SMIM20: variants seen among roughly 807,000 people sequenced by gnomAD.
The protein encoded by SMIM20 is small integral membrane protein 20, also known as mitochondrial translation regulation assembly intermediate of cytochrome c oxidase protein of 7 kDa.
SMIM20 carries 3 observed loss-of-function variants against 8.7 expected under a neutral mutation model. The observed-to-expected ratio is 0.34, with a 90% CI of 0.16 to 0.89. The LOEUF (loss-of-function observed/expected upper bound fraction) is 0.89, where lower values mean the gene tolerates loss of function less well. Among genes scored for constraint, SMIM20 ranks in the 40% least tolerant of loss-of-function variants. SMIM20 has a pLI of 0.49. For missense variants in SMIM20, 85 were observed against 84.8 expected (o/e 1.00, Z -0.01); for synonymous variants, 44 against 33.6 (o/e 1.31, Z -1.07).
rs1439279368 is a variant in SMIM20 at position 25,929,359 on chromosome 4, TC to T, written c.*171del. 1.6e-6 allele frequency: 1 copy of T among 609,130 alleles called. No homozygotes were observed. The highest frequency in any genetic ancestry group is 1.9e-5 in the African/African-American group (1 of 52,856). The allele number at this position is 609,130 out of a possible 1,614,324, so 37.7% of individuals were successfully genotyped here. The stretch of plus-strand genomic sequence containing the variant: ...AAGACTGTGCACAAGGATTAATATT[TC>T]CCTTCTTAAGTATCAAAAGAACTCT... On this transcript the variant is annotated 3_prime_UTR_variant, in exon 3 of 3. Transcript: ENST00000506197.
intron 1 of SMIM20, among the ~76,000 whole-genome samples, chr4:25,917,196 A>G (rs935749668): frequency 1.3e-5 from 2 of 151,926 alleles, no homozygotes; most frequent in African/African-American, 4.8e-5. Flanking sequence ...AGGGGGCAAG[A>G]AAAGGCAATG....
chr4:25,923,030 G>A (rs1357493797), intron 1 of SMIM20, among the ~76,000 whole-genome samples: 1 of 152,206 alleles, frequency 6.6e-6, no homozygotes, highest in Non-Finnish European at 1.5e-5. Flanking sequence ...AACTTAGCAA[G>A]GCTTTCCTAA....
At chr4:25,921,566 C>T (rs901743400) in intron 1 of SMIM20, among the ~76,000 whole-genome samples, 4 of 152,144 alleles carry the variant, frequency 2.6e-5, no homozygotes, top group African/African-American at 9.7e-5. Context: ...ATTTGGGTAG[C>T]TTTTGAGGCT....
chr4:25,920,424 G>A (rs1272907343), intron 1 of SMIM20, among the ~76,000 whole-genome samples: 4 of 152,038 alleles, frequency 2.6e-5, no homozygotes, highest in Non-Finnish European at 5.9e-5. Context: ...AAAATAGAAA[G>A]ATGTCTATAG....
intron 2 of SMIM20, 116 bp from the exon 3 acceptor site, chr4:25,929,038 A>T: frequency 7.7e-7 from 1 of 1,297,990 alleles, no homozygotes. Context: ...CACCATCTCA[A>T]ACTACACTGT....
chr4:25,915,952 T>C (rs1719084557), intron 1 of SMIM20, among the ~76,000 whole-genome samples: 1 of 151,074 alleles, frequency 6.6e-6, no homozygotes, highest in Non-Finnish European at 1.5e-5. Flanking sequence ...CAGACCCCCA[T>C]GACAAAGAAT....
chr4:25,928,460 GA>G, intron 2 of SMIM20, 91 bp downstream of exon 2: 1 of 1,268,238 alleles, frequency 7.9e-7, no homozygotes, highest in East Asian at 2.8e-5. Context: ...TGGAGAGTGG[GA>G]AAATGCCTTT....
Position 25,914,373 on chromosome 4 carries a change from C to T in SMIM20, c.60C>T (p.Ala20=). 6.5e-7 allele frequency: 1 copy of T among 1,547,378 alleles called. No individual in the cohort carries two copies. Among genetic ancestry groups the T allele is most frequent in the Non-Finnish European group, 8.7e-7 (1 of 1,144,380 alleles). ...GCGGCTTCATCTCCCTGATCGGCGC[C>T]GCCTTCTATCCCATCTACTTCCGGC... ...IFGGFISLIG[A]AFYPIYFRPL... Residue 20 remains alanine (A), a synonymous_variant, in exon 1 of 3, where the codon GCC becomes GCT. Coordinates refer to ENST00000506197, the MANE Select transcript of SMIM20 (RefSeq NM_001145432.3).
chr4:25,919,676 T>G, intron 1 of SMIM20, among the ~76,000 whole-genome samples: 1 of 152,308 alleles, frequency 6.6e-6, no homozygotes, highest in East Asian at 1.9e-4. Context: ...CTTCCTTTTT[T>G]TCTTCTTTTC....
At chr4:25,919,334 T>C (rs1719155786) in intron 1 of SMIM20, among the ~76,000 whole-genome samples, 1 of 152,122 alleles carries the variant, frequency 6.6e-6, no homozygotes, top group African/African-American at 2.4e-5. Flanking sequence ...TCTCACCTCA[T>C]TTTGTGTCTT....
rs7439062 is a variant in SMIM20, at chr4:25,915,859, C to A, written c.109+1437C>A. On this transcript the variant is annotated intron_variant, in intron 1 of 2. Transcript: ENST00000506197. ...TTGCTTGTCACAACTTGGGATGGGG[C>A]GGGGGGGGGGTCGAGTGTTGCTACT... 4.2e-4 allele frequency among the ~76,000 whole-genome samples: 17 copies of A among 40,270 alleles called. 1 individual carries two copies. Among genetic ancestry groups the A allele is most frequent in the African/African-American group, 1.2e-3 (9 of 7,404 alleles). 26.4% of individuals were successfully genotyped at this position (40,270 alleles called of 152,430 possible).
chr4:25,928,416 G>A, intron 2 of SMIM20, 47 bp downstream of exon 2: 2 of 1,527,550 alleles, frequency 1.3e-6, no homozygotes, highest in Non-Finnish European at 1.8e-6. Context: ...TTGTACTACT[G>A]TGTTGTGCGG....
chr4:25,924,881 T>A (rs1285436395), intron 1 of SMIM20, among the ~76,000 whole-genome samples: 1 of 152,232 alleles, frequency 6.6e-6, no homozygotes, highest in Non-Finnish European at 1.5e-5. Flanking sequence ...ATCTGGAATT[T>A]TTTGAGTTCC....
chr4:25,929,379 G>T lies in SMIM20; in HGVS notation c.*188G>T. 2 of 564,364 alleles carry T rather than the reference G, an allele frequency of 3.5e-6. No individual in the cohort carries two copies. The highest frequency in any genetic ancestry group is 3.0e-6 in the Non-Finnish European group (1 of 333,974). 35.0% of individuals were successfully genotyped at this position (564,364 alleles called of 1,614,324 possible). A position where few individuals can be genotyped will look rare whatever the true frequency, so the allele number is the denominator to read the frequency against. ...ATATTTCCCTTCTTAAGTATCAAAA[G>T]AACTCTGGAACAAATTATACCATTA... is the stretch of plus-strand genomic sequence containing the variant. On this transcript the variant is annotated 3_prime_UTR_variant, in exon 3 of 3. Coordinates refer to ENST00000506197, the MANE Select transcript of SMIM20 (RefSeq NM_001145432.3).
chr4:25,914,346 C>T lies in SMIM20; in HGVS notation c.33C>T (p.Phe11=). 6.4e-7 allele frequency: 1 copy of T among 1,550,676 alleles called. No homozygotes were observed. The highest frequency in any genetic ancestry group is 8.7e-7 in the Non-Finnish European group (1 of 1,146,328). ...GGAACCTGCGCACCGCGCTCATTTT[C>T]GGCGGCTTCATCTCCCTGATCGGCG... MSRNLRTALI[F]GGFISLIGAA... The change falls in exon 1 of 3, where the codon TTC becomes TTT. Residue 11 remains phenylalanine, a synonymous_variant. Coordinates refer to ENST00000506197, the MANE Select transcript of SMIM20 (RefSeq NM_001145432.3).
At chr4:25,925,529 G>T (rs1054667179) in intron 1 of SMIM20, among the ~76,000 whole-genome samples, 6 of 152,170 alleles carry the variant, frequency 3.9e-5, no homozygotes, top group Non-Finnish European at 7.3e-5. Context: ...GAGCCACTGC[G>T]CCCGGCAGAG....
At chr4:25,929,057 C>T in intron 2 of SMIM20, 97 bp from the exon 3 acceptor site, 3 of 1,417,982 alleles carry the variant, frequency 2.1e-6, no homozygotes, top group Non-Finnish European at 2.9e-6. Flanking sequence ...GTAAATTGCA[C>T]AGCTCAGTTC....
chr4:25,917,827 G>T (rs1206859953), intron 1 of SMIM20, among the ~76,000 whole-genome samples: 1 of 151,968 alleles, frequency 6.6e-6, no homozygotes, highest in Non-Finnish European at 1.5e-5. Context: ...GTGACTTTTG[G>T]TTGCTGGTTT....
chr4:25,916,644 C>T (rs1388694771), intron 1 of SMIM20, among the ~76,000 whole-genome samples: 1 of 152,210 alleles, frequency 6.6e-6, no homozygotes, highest in East Asian at 1.9e-4. Flanking sequence ...CAACCTCTGC[C>T]TCCCAGGTTC....
Sources: allele counts gnomAD v4.1 joint callset (sites outside exome capture counted in the v4.1 genomes callset), GRCh38; gene constraint gnomAD v4.1.1; transcripts MANE v1.5; gene names NCBI Gene and HGNC (gene_info 2026-07-23, HGNC 2026-07-21).